Variants in SLIT3 observed in about 807,000 individuals in gnomAD.
SLIT3 encodes the protein slit guidance ligand 3.
SLIT3 carries 68 observed loss-of-function variants against 184.0 expected under a neutral mutation model. That is an observed-to-expected ratio of 0.37 (90% confidence interval 0.30 to 0.45). SLIT3 has a LOEUF of 0.45. Among genes scored for constraint, SLIT3 ranks in the 20% least tolerant of loss-of-function variants. The pLI is 1.00. For missense variants in SLIT3, 1,707 were observed against 2,026.0 expected, an observed-to-expected ratio of 0.84 and a Z score of 3.02; for synonymous variants, 831 against 828.6, an observed-to-expected ratio of 1.00 and a Z score of -0.05.
chr5:169,042,165 A>G (rs1757468553), intron 4 of SLIT3, among the ~76,000 whole-genome samples: 1 of 152,224 alleles, frequency 6.6e-6, no homozygotes, highest in Non-Finnish European at 1.5e-5. Context: ...CAGACTCTCC[A>G]GAATCACACT....
intron 6 of SLIT3, among the ~76,000 whole-genome samples, chr5:168,841,888 GTCT>G (rs1172209085): frequency 3.9e-5 from 6 of 152,132 alleles, no homozygotes; most frequent in Admixed American, 1.3e-4. Flanking sequence ...ATTACATTTT[GTCT>G]TCTTAATTTG....
chr5:168,954,463 T>C (rs1022654966), intron 4 of SLIT3, among the ~76,000 whole-genome samples: 2 of 152,128 alleles, frequency 1.3e-5, no homozygotes, highest in Non-Finnish European at 2.9e-5. Flanking sequence ...GGAAGAACAC[T>C]TACTCCTAAC....
At chr5:169,169,729 A>G (rs1400894917) in intron 4 of SLIT3, among the ~76,000 whole-genome samples, 1 of 152,250 alleles carries the variant, frequency 6.6e-6, no homozygotes, top group Non-Finnish European at 1.5e-5. Context: ...GAGACAAGAG[A>G]AGACTAAACT....
intron 4 of SLIT3, among the ~76,000 whole-genome samples, chr5:169,136,950 G>A (rs1217896426): frequency 6.6e-6 from 1 of 152,092 alleles, no homozygotes; most frequent in East Asian, 1.9e-4. Context: ...TTGAATTCCT[G>A]GACTCAAGTG....
chr5:169,270,908 C>G (rs1766582410), intron 1 of SLIT3, among the ~76,000 whole-genome samples: 3 of 152,096 alleles, frequency 2.0e-5, no homozygotes, highest in Admixed American at 2.0e-4. Flanking sequence ...TGTCCTCTTC[C>G]TTAGGTTGGG....
chr5:169,086,713 C>T (rs1012156618), intron 4 of SLIT3, among the ~76,000 whole-genome samples: 3 of 152,252 alleles, frequency 2.0e-5, no homozygotes, highest in East Asian at 3.9e-4. Context: ...AGTTTGGTAA[C>T]GTGGGTCAAG....
chr5:168,889,448 A>C (rs142611680), intron 4 of SLIT3, among the ~76,000 whole-genome samples: 75 of 152,302 alleles, frequency 4.9e-4, no homozygotes, highest in African/African-American at 1.7e-3. Flanking sequence ...AATGGGGGAC[A>C]AAAAAACGCC....
chr5:168,751,128 G>T (rs1754682443), intron 18 of SLIT3, among the ~76,000 whole-genome samples: 1 of 152,074 alleles, frequency 6.6e-6, no homozygotes, highest in Non-Finnish European at 1.5e-5. Context: ...TGGGAAAATG[G>T]CGAGGAGCCC....
At chr5:169,076,388 TC>T (rs1294010257) in intron 4 of SLIT3, among the ~76,000 whole-genome samples, 2 of 152,114 alleles carry the variant, frequency 1.3e-5, no homozygotes, top group Non-Finnish European at 2.9e-5. Context: ...ATGAGTGACT[TC>T]CCCAAGTTTC....
intron 6 of SLIT3, among the ~76,000 whole-genome samples, chr5:168,842,729 C>T (rs774991213): frequency 5.3e-5 from 8 of 152,192 alleles, no homozygotes; most frequent in Non-Finnish European, 1.0e-4. Flanking sequence ...CCTCAGACTG[C>T]CTTCCTGGTG....
rs773010024 is a variant in SLIT3 at position 168,666,491 on chromosome 5, T to G, written c.4535A>C (p.Glu1512Ala). The change falls in exon 36 of 36, where the codon GAG becomes GCG. Residue 1512 changes from glutamate (E) to alanine (A), a missense_variant. Transcript: ENST00000519560. Reference sequence around the variant, plus strand: ...GAGGCAGCCGCACTCTAAGTGTCTCTCCACCTCTTCTACAAACGAGGAGCC... The same window carrying G: ...GAGGCAGCCGCACTCTAAGTGTCTCGCCACCTCTTCTACAAACGAGGAGCC... ...TDGSSFVEEV[E>A]RHLECGCLAC... is the part of the protein sequence containing the mutation. 54 of 1,602,572 alleles carry G rather than the reference T, an allele frequency of 3.4e-5. No individual in the cohort carries two copies. Among genetic ancestry groups the G allele is most frequent in the Middle Eastern group, 4.3e-4 (2 of 4,666 alleles).
At chr5:168,855,875 A>G (rs1263192427) in intron 5 of SLIT3, among the ~76,000 whole-genome samples, 1 of 152,178 alleles carries the variant, frequency 6.6e-6, no homozygotes, top group Non-Finnish European at 1.5e-5. Flanking sequence ...TTGGGAGGCC[A>G]AGGCGGGCGG....
intron 4 of SLIT3, among the ~76,000 whole-genome samples, chr5:168,996,791 C>T (rs1249598139): frequency 6.6e-6 from 1 of 152,160 alleles, no homozygotes; most frequent in Non-Finnish European, 1.5e-5. Context: ...CGGTGAGGGG[C>T]CCCAGCTACC....
chr5:169,113,822 AT>A, intron 4 of SLIT3, among the ~76,000 whole-genome samples: 1 of 151,802 alleles, frequency 6.6e-6, no homozygotes, highest in Non-Finnish European at 1.5e-5. Flanking sequence ...TGCCCAGCTA[AT>A]TTTTGTATTT....
chr5:169,183,150 G>A (rs11740487), intron 4 of SLIT3, among the ~76,000 whole-genome samples: 10,619 of 152,224 alleles, frequency 0.07, 740 homozygotes, highest in African/African-American at 0.17. Context: ...CACAGTAGGC[G>A]TTCAACAATA....
At chr5:169,001,997 T>C (rs1383534985) in intron 4 of SLIT3, among the ~76,000 whole-genome samples, 1 of 150,964 alleles carries the variant, frequency 6.6e-6, no homozygotes, top group Non-Finnish European at 1.5e-5. Context: ...ATAGGGAGCA[T>C]GGGGGTATGA....
At chr5:168,863,879 T>G (rs1759200813) in intron 5 of SLIT3, among the ~76,000 whole-genome samples, 1 of 152,198 alleles carries the variant, frequency 6.6e-6, no homozygotes, top group African/African-American at 2.4e-5. Flanking sequence ...AAGCAATTAC[T>G]GTCAGCATTT....
intron 1 of SLIT3, among the ~76,000 whole-genome samples, chr5:169,261,915 C>T (rs1406431929): frequency 6.6e-6 from 1 of 152,174 alleles, no homozygotes; most frequent in Non-Finnish European, 1.5e-5. Flanking sequence ...TTTGGGAGGC[C>T]CACATGCCAA....
At chr5:169,032,922 ATTTTTTTTTTTTTTTTTT>A (rs199911562) in intron 4 of SLIT3, among the ~76,000 whole-genome samples, 1 of 88,130 alleles carries the variant, frequency 1.1e-5, no homozygotes, top group African/African-American at 4.1e-5. Context: ...TTTTTCCTTG[ATTTTTTTTTTTTTTTTTT>A]TTTTTTTTTT....
Sources: allele counts gnomAD v4.1 joint callset (sites outside exome capture counted in the v4.1 genomes callset), GRCh38; gene constraint gnomAD v4.1.1; transcripts MANE v1.5; gene names NCBI Gene and HGNC (gene_info 2026-07-23, HGNC 2026-07-21).